CNTNAP2: variants seen among roughly 807,000 people sequenced by gnomAD.
CNTNAP2 encodes contactin associated protein 2.
CNTNAP2 carries 98 observed loss-of-function variants against 155.2 expected under a neutral mutation model. The ratio of observed to expected loss-of-function variants is 0.63; its 90% CI spans 0.54 to 0.75. The LOEUF is 0.75. CNTNAP2 is among the 30% of genes least tolerant of loss of function. The pLI is 0.00. For synonymous variants in CNTNAP2, 651 were observed against 631.2 expected (o/e 1.03, Z -0.47); for missense variants, 1,727 against 1,688.1 (o/e 1.02, Z -0.40).
At chr7:147,386,177 A>AT (rs1384526256) in intron 9 of CNTNAP2, among the ~76,000 whole-genome samples, 3 of 152,102 alleles carry the variant, frequency 2.0e-5, no homozygotes, top group East Asian at 1.9e-4. Flanking sequence ...CCATGAAATG[A>AT]TTTTTTCCTC....
chr7:148,109,664 GT>G (rs34346843), intron 15 of CNTNAP2, among the ~76,000 whole-genome samples: 66,052 of 151,898 alleles, frequency 0.43, 16,547 homozygotes, highest in East Asian at 0.75. Flanking sequence ...GATTACAGGC[GT>G]TGAGATTCTA....
intron 13 of CNTNAP2, among the ~76,000 whole-genome samples, chr7:147,768,506 TAGA>T (rs1422662838): frequency 4.6e-5 from 7 of 152,064 alleles, no homozygotes; most frequent in Admixed American, 2.6e-4. Context: ...ATGGGAAAAA[TAGA>T]AGAATACTTT....
intron 2 of CNTNAP2, among the ~76,000 whole-genome samples, chr7:146,835,562 T>A (rs1467646552): frequency 6.6e-5 from 10 of 152,056 alleles, no homozygotes; most frequent in Non-Finnish European, 1.5e-4. Flanking sequence ...GAATGATATA[T>A]GACAATAAGG....
intron 15 of CNTNAP2, among the ~76,000 whole-genome samples, chr7:148,037,364 T>G (rs139782051): frequency 2.5e-3 from 386 of 152,332 alleles, no homozygotes; most frequent in African/African-American, 8.4e-3. Context: ...ATAAGGCAGA[T>G]AGTATGTGTA....
chr7:148,395,199 ATTCT>A (rs1799442330), intron 22 of CNTNAP2, among the ~76,000 whole-genome samples: 1 of 127,318 alleles, frequency 7.9e-6, no homozygotes, highest in African/African-American at 3.0e-5. Context: ...TTATTTGTCA[ATTCT>A]TTGTTTTCTT....
intron 15 of CNTNAP2, among the ~76,000 whole-genome samples, chr7:148,016,279 A>C (rs139357147): frequency 2.0e-5 from 3 of 152,300 alleles, no homozygotes; most frequent in Non-Finnish European, 2.9e-5. Flanking sequence ...GGTAGAGCTG[A>C]TTGTGATACC....
At chr7:147,184,084 A>G (rs896572669) in intron 8 of CNTNAP2, among the ~76,000 whole-genome samples, 12 of 152,196 alleles carry the variant, frequency 7.9e-5, no homozygotes, top group Admixed American at 3.9e-4. Flanking sequence ...AAGAGTGACT[A>G]TACTTCCCAA....
At position 147,128,761 on chromosome 7, in the gene CNTNAP2, C is replaced by A; in HGVS notation, c.1008C>A (p.Cys336Ter). 1 of 1,614,032 alleles carries A rather than the reference C, an allele frequency of 6.2e-7. No individual in the cohort carries two copies. The highest frequency in any genetic ancestry group is 8.5e-7 in the Non-Finnish European group (1 of 1,179,956). ...SSSSRKNFKG[C>*]MESINYNGVN... is the part of the protein sequence containing the mutation. ...GCAGTAGAAAGAATTTCAAAGGCTG[C>A]ATGGAAAGCATCAACTACAATGGCG... Residue 336 changes from cysteine (C) to a stop codon, truncating the protein, a stop_gained, in exon 7 of 24, where the codon TGC becomes TGA. Transcript: ENST00000361727. LOFTEE classifies it high-confidence loss of function.
chr7:148,288,106 CT>C (rs1277628866), intron 21 of CNTNAP2, among the ~76,000 whole-genome samples: 178 of 97,068 alleles, frequency 1.8e-3, no homozygotes, highest in East Asian at 9.1e-3. Context: ...TTTTTCTTTT[CT>C]TTTTTTTTTT....
At chr7:148,111,645 G>A (rs1804355535) in intron 15 of CNTNAP2, among the ~76,000 whole-genome samples, 2 of 152,070 alleles carry the variant, frequency 1.3e-5, no homozygotes, top group Middle Eastern at 3.2e-3. Context: ...CAATCATGAA[G>A]TTCCAATTAA....
chr7:147,447,285 C>T (rs370720807), intron 10 of CNTNAP2, among the ~76,000 whole-genome samples: 1 of 152,102 alleles, frequency 6.6e-6, no homozygotes, highest in Non-Finnish European at 1.5e-5. Flanking sequence ...GATCTACTTA[C>T]ATATACATAT....
At chr7:146,716,404 C>G (rs2129176230) in intron 1 of CNTNAP2, among the ~76,000 whole-genome samples, 1 of 152,146 alleles carries the variant, frequency 6.6e-6, no homozygotes, top group East Asian at 1.9e-4. Context: ...ACTTGAGACC[C>G]TAAAACAGTA....
chr7:147,449,470 C>T (rs573823176), intron 10 of CNTNAP2, among the ~76,000 whole-genome samples: 3 of 152,056 alleles, frequency 2.0e-5, no homozygotes, highest in South Asian at 4.2e-4. Context: ...CCTGGCAAGA[C>T]GGAGCTGATC....
At position 147,807,962 on chromosome 7, in the gene CNTNAP2, T is replaced by C. The variant is rs150054487; in HGVS notation, c.2099-95603T>C. Among the ~76,000 whole-genome samples, 1,359 of 152,238 alleles carry C rather than the reference T, an allele frequency of 8.9e-3. 22 individuals are homozygous for C. Among genetic ancestry groups the C allele is most frequent in the African/African-American group, 0.031 (1,275 of 41,530 alleles). On this transcript the variant is annotated intron_variant, in intron 13 of 23. Transcript: ENST00000361727. ...CAAAAAATGTTTGAGATTCATTCTT[T>C]AGTGATATGTTCACTTTCTTTTTTA...
At chr7:146,864,839 G>A (rs11972258) in intron 3 of CNTNAP2, among the ~76,000 whole-genome samples, 4 of 13,648 alleles carry the variant, frequency 2.9e-4, no homozygotes, top group African/African-American at 2.7e-3. Flanking sequence ...AAACAAAACA[G>A]AACCTGCAGG....
At chr7:147,359,501 C>T (rs1336388631) in intron 9 of CNTNAP2, among the ~76,000 whole-genome samples, 1 of 152,082 alleles carries the variant, frequency 6.6e-6, no homozygotes, top group Non-Finnish European at 1.5e-5. Flanking sequence ...CCTTTCAATG[C>T]TCCCCATTTT....
intron 15 of CNTNAP2, among the ~76,000 whole-genome samples, chr7:147,986,070 C>A (rs987983627): frequency 4.6e-5 from 7 of 152,100 alleles, no homozygotes; most frequent in African/African-American, 1.7e-4. Flanking sequence ...ATTTCTGGCT[C>A]ACTTTGCTTC....
At chr7:147,809,163 A>G (rs890851868) in intron 13 of CNTNAP2, among the ~76,000 whole-genome samples, 7 of 152,214 alleles carry the variant, frequency 4.6e-5, no homozygotes, top group Admixed American at 1.3e-4. Context: ...ATGAGGTACA[A>G]TGTGGCTGGA....
At chr7:146,828,960 A>T (rs184188164) in intron 2 of CNTNAP2, among the ~76,000 whole-genome samples, 2 of 152,066 alleles carry the variant, frequency 1.3e-5, no homozygotes, top group African/African-American at 4.8e-5. Context: ...TTGCATTCAC[A>T]TTAGTTTCAC....
Sources: allele counts gnomAD v4.1 joint callset (sites outside exome capture counted in the v4.1 genomes callset), GRCh38; gene constraint gnomAD v4.1.1; transcripts MANE v1.5; gene names NCBI Gene and HGNC (gene_info 2026-07-23, HGNC 2026-07-21).